Variants in RSPRY1 observed in about 807,000 individuals in gnomAD.
RSPRY1 encodes the protein ring finger and SPRY domain containing 1.
RSPRY1 carries 23 observed loss-of-function variants against 73.1 expected under a neutral mutation model. That is an observed-to-expected ratio of 0.31 (90% CI 0.23 to 0.45). The LOEUF (loss-of-function observed/expected upper bound fraction) is 0.45, where lower values mean the gene tolerates loss of function less well. Ranked by LOEUF, RSPRY1 falls within the 20% of genes least tolerant of loss-of-function variation. The probability of loss-of-function intolerance (pLI) is 1.00; values close to 1 mark genes in which losing one functional copy is unlikely to be tolerated. For synonymous variants in RSPRY1, 226 were observed against 251.4 expected, an observed-to-expected ratio of 0.90 and a Z score of 0.95; for missense variants, 448 against 698.7, an observed-to-expected ratio of 0.64 and a Z score of 4.05.
intron 10 of RSPRY1, among the ~76,000 whole-genome samples, chr16:57,225,844 C>T (rs925640869): frequency 6.6e-5 from 10 of 152,060 alleles, no homozygotes; most frequent in East Asian, 3.9e-4. Flanking sequence ...TTTGGGAGGC[C>T]GAGGCGGGCA....
rs200087460 is a variant in RSPRY1, at chr16:57,206,757, G to GTC, written c.351-1299_351-1298dup. 7.5e-3 allele frequency among the ~76,000 whole-genome samples: 1,144 copies of GTC among 152,236 alleles called. 10 individuals carry two copies. Among genetic ancestry groups the GTC allele is most frequent in the African/African-American group, 0.026 (1,096 of 41,536 alleles). ...TTTAAAAAAGTTTTTGTAGAGCCAG[G>GTC]TCTTGCCATGTTGCCCAGGCTGGTC... On this transcript the variant is annotated intron_variant, in intron 2 of 14. Transcript: ENST00000394420.
chr16:57,207,576 T>C (rs1474768061), intron 2 of RSPRY1: 1 of 456,114 alleles, frequency 2.2e-6, no homozygotes, highest in Admixed American at 2.3e-5. Flanking sequence ...AGTCTAAGCA[T>C]GTAGTGGTAT....
intron 1 of RSPRY1, among the ~76,000 whole-genome samples, chr16:57,191,154 G>GT (rs1375931291): frequency 1.2e-3 from 178 of 152,228 alleles, no homozygotes; most frequent in African/African-American, 4.1e-3. Flanking sequence ...TTCAGTGTTA[G>GT]TTTTTTCTTA....
chr16:57,194,486 AC>A (rs1280088669), intron 1 of RSPRY1, among the ~76,000 whole-genome samples: 15 of 152,180 alleles, frequency 9.9e-5, no homozygotes, highest in Admixed American at 2.0e-4. Flanking sequence ...AAATCCGAAA[AC>A]ATTTTCTAAT....
intron 1 of RSPRY1, among the ~76,000 whole-genome samples, chr16:57,198,016 A>ATCC (rs1472249896): frequency 4.0e-5 from 6 of 149,136 alleles, no homozygotes; most frequent in Non-Finnish European, 8.9e-5. Context: ...ATGAGCCACC[A>ATCC]TGCCCATCCT....
At chr16:57,225,383 T>A (rs1196541487) in intron 10 of RSPRY1, among the ~76,000 whole-genome samples, 1 of 152,258 alleles carries the variant, frequency 6.6e-6, no homozygotes, top group Non-Finnish European at 1.5e-5. Flanking sequence ...GGCAATTAGA[T>A]GCAAGCTCAT....
intron 6 of RSPRY1, among the ~76,000 whole-genome samples, chr16:57,214,698 A>G (rs2074907484): frequency 6.6e-6 from 1 of 152,270 alleles, no homozygotes; most frequent in Non-Finnish European, 1.5e-5. Flanking sequence ...CCTCCATTTT[A>G]TCACAGGATG....
chr16:57,200,955 G>T (rs1344762697), intron 1 of RSPRY1, among the ~76,000 whole-genome samples: 20 of 129,534 alleles, frequency 1.5e-4, no homozygotes, highest in South Asian at 2.7e-4. Context: ...GCCGGGGGGG[G>T]GGGGGGCTGA....
intron 1 of RSPRY1, among the ~76,000 whole-genome samples, chr16:57,201,266 T>C (rs2074595158): frequency 6.7e-6 from 1 of 149,644 alleles, no homozygotes; most frequent in Non-Finnish European, 1.5e-5. Flanking sequence ...GTGGAGGGGC[T>C]CCTCACTTCT....
chr16:57,216,683 G>C lies in RSPRY1; in HGVS notation c.770-221G>C, dbSNP rs552077162. On this transcript the variant is annotated intron_variant, in intron 7 of 14. Coordinates refer to ENST00000394420, the MANE Select transcript of RSPRY1 (RefSeq NM_133368.3). ...TACAGTGATCCATAGTTGTGCCACTGCACTCCAGCCTAGGCAACAGAGTGA... is the reference window on the plus strand; with the variant it reads ...TACAGTGATCCATAGTTGTGCCACTCCACTCCAGCCTAGGCAACAGAGTGA... Among the ~76,000 whole-genome samples, 604 of 152,242 alleles carry C rather than the reference G, an allele frequency of 4.0e-3. 4 individuals are homozygous for C. Among genetic ancestry groups the C allele is most frequent in the Middle Eastern group, 0.01 (3 of 294 alleles).
At chr16:57,189,593 C>CTTT (rs544146883) in intron 1 of RSPRY1, among the ~76,000 whole-genome samples, 53 of 124,050 alleles carry the variant, frequency 4.3e-4, no homozygotes, top group Middle Eastern at 4.3e-3. Flanking sequence ...CTTTTCTTTT[C>CTTT]TTTTTTTTTT....
At chr16:57,204,250 A>C (rs192656852) in intron 1 of RSPRY1, among the ~76,000 whole-genome samples, 71 of 152,340 alleles carry the variant, frequency 4.7e-4, no homozygotes, top group African/African-American at 1.7e-3. Flanking sequence ...TTTTAAAAAA[A>C]TCAATGATAA....
chr16:57,221,161 T>C, intron 9 of RSPRY1, 111 bp from the exon 10 acceptor site: 1 of 1,322,636 alleles, frequency 7.6e-7, no homozygotes, highest in Non-Finnish European at 1.1e-6. Context: ...GAAGCAATAG[T>C]CCACCAGAAG....
chr16:57,237,742 C>T (rs748284644), intron 14 of RSPRY1, among the ~76,000 whole-genome samples: 3 of 151,592 alleles, frequency 2.0e-5, no homozygotes, highest in South Asian at 2.1e-4. Context: ...GACGGAGTCT[C>T]GCTCTGTCAC....
chr16:57,231,271 T>G lies in RSPRY1; in HGVS notation c.1481T>G (p.Phe494Cys). ...CCACCATCTATGAAATTTAGCACTT[T>G]TAATGACTACGCCTTCCTAACAGCT... ...KYPPSMKFST[F>C]NDYAFLTAEE... The change falls in exon 13 of 15, where the codon TTT (phenylalanine) becomes TGT (cysteine). Residue 494 changes from phenylalanine (F) to cysteine (C), a missense_variant. Physicochemically the swap from Phe to Cys is radical, Grantham distance 205 (BLOSUM62 -2). Transcript: ENST00000394420. 1.2e-6 allele frequency: 2 copies of G among 1,613,922 alleles called. No homozygotes were observed. The highest frequency in any genetic ancestry group is 1.7e-6 in the Non-Finnish European group (2 of 1,179,964).
At chr16:57,201,208 G>A (rs2074592584) in intron 1 of RSPRY1, among the ~76,000 whole-genome samples, 1 of 151,770 alleles carries the variant, frequency 6.6e-6, no homozygotes, top group Admixed American at 6.6e-5. Context: ...AGACGGTGTG[G>A]CTGCCGGGCG....
intron 1 of RSPRY1, among the ~76,000 whole-genome samples, chr16:57,202,318 A>C (rs1440406120): frequency 6.6e-6 from 1 of 152,246 alleles, no homozygotes; most frequent in African/African-American, 2.4e-5. Flanking sequence ...CTTGTTCTCT[A>C]TCAGTGAAAT....
intron 2 of RSPRY1, chr16:57,207,784 C>G: frequency 3.9e-6 from 2 of 514,586 alleles, no homozygotes; most frequent in African/African-American, 1.9e-5. Flanking sequence ...CAGTTTTACT[C>G]CTGTGCTTTT....
chr16:57,230,740 A>C lies in RSPRY1; in HGVS notation c.1303A>C (p.Asn435His), dbSNP rs1463449995. 1.9e-6 allele frequency: 3 copies of C among 1,609,108 alleles called. No homozygotes were observed. The highest frequency in any genetic ancestry group is 2.6e-6 in the Non-Finnish European group (3 of 1,176,412). The change falls in exon 12 of 15, where the codon AAT (asparagine) becomes CAT (histidine). Residue 435 changes from asparagine to histidine, a missense_variant. Asn to His is a moderately conservative substitution (Grantham distance 68). Transcript: ENST00000394420. Reference sequence around the variant, plus strand: ...TACAGTAGGATTTCTGTTAGACTTGAATGAAAAGCAAATGATCTTCTTTTT... The same window carrying C: ...TACAGTAGGATTTCTGTTAGACTTGCATGAAAAGCAAATGATCTTCTTTTT... ...GDTVGFLLDL[N>H]EKQMIFFLNG...
Sources: allele counts gnomAD v4.1 joint callset (sites outside exome capture counted in the v4.1 genomes callset), GRCh38; gene constraint gnomAD v4.1.1; transcripts MANE v1.5; gene names NCBI Gene and HGNC (gene_info 2026-07-23, HGNC 2026-07-21).